Variants in ANKRD31 observed in about 807,000 individuals in gnomAD.
ANKRD31 encodes the protein ankyrin repeat domain-containing protein 31.
Under a neutral mutation model 186.0 loss-of-function variants are expected in ANKRD31, and 147 were observed. That is an observed-to-expected ratio of 0.79 (90% CI 0.69 to 0.91). The LOEUF is 0.91. Among genes scored for constraint, ANKRD31 ranks in the 40% least tolerant of loss-of-function variants. The pLI is 0.00. For synonymous variants in ANKRD31, 673 were observed against 736.4 expected, an observed-to-expected ratio of 0.91 and a Z score of 1.39; for missense variants, 1,986 against 2,148.8, an observed-to-expected ratio of 0.92 and a Z score of 1.50.
At chr5:75,075,410 G>C (rs1744553525) in intron 25 of ANKRD31, among the ~76,000 whole-genome samples, 1 of 152,002 alleles carries the variant, frequency 6.6e-6, no homozygotes, top group Non-Finnish European at 1.5e-5. Context: ...TTGCACAATT[G>C]CCTAGCACTT....
chr5:75,195,486 A>G (rs910951710), intron 7 of ANKRD31, 145 bp downstream of exon 7: 1 of 665,406 alleles, frequency 1.5e-6, no homozygotes, highest in Non-Finnish European at 2.4e-6. Context: ...TTTTAACACA[A>G]TGAAAACTTG....
intron 3 of ANKRD31, among the ~76,000 whole-genome samples, chr5:75,211,301 T>C (rs1218176145): frequency 6.6e-6 from 1 of 152,234 alleles, no homozygotes; most frequent in South Asian, 2.1e-4. Flanking sequence ...TTTATCTATG[T>C]TGTGGCATGT....
At chr5:75,131,278 C>T (rs1056454333) in intron 17 of ANKRD31, among the ~76,000 whole-genome samples, 33 of 152,152 alleles carry the variant, frequency 2.2e-4, no homozygotes, top group African/African-American at 6.5e-4. Context: ...GAGTGGATGC[C>T]GAGGCCGAGG....
intron 15 of ANKRD31, among the ~76,000 whole-genome samples, chr5:75,140,009 G>A (rs185742630): frequency 4.6e-4 from 70 of 152,026 alleles, no homozygotes; most frequent in African/African-American, 1.5e-3. Context: ...GGCCAGGCAC[G>A]GTGGCTGATG....
chr5:75,098,983 G>A (rs1228181877), intron 22 of ANKRD31, among the ~76,000 whole-genome samples: 1 of 152,212 alleles, frequency 6.6e-6, no homozygotes, highest in Non-Finnish European at 1.5e-5. Context: ...TAGGAGTGGT[G>A]AGAGAGGGCA....
chr5:75,222,320 T>C lies in ANKRD31; in HGVS notation c.217A>G (p.Arg73Gly). 3.3e-6 allele frequency: 5 copies of C among 1,536,902 alleles called. No homozygotes were observed. Among genetic ancestry groups the C allele is most frequent in the South Asian group, 2.4e-5 (2 of 83,998 alleles). ...SPEIQLGFKL[R>G]EDLQEQMNKN... ...TTCATTTGCTCTTGCAGATCCTCTC[T>C]GAGCTTAAATCCAAGTTGAATCTCA... The change falls in exon 3 of 26, where the codon AGA becomes GGA. Residue 73 changes from arginine to glycine, a missense_variant. Physicochemically the swap from Arg to Gly is moderately radical, Grantham distance 125. Coordinates refer to ENST00000506364, the MANE Select transcript of ANKRD31 (RefSeq NM_001372053.1).
intron 22 of ANKRD31, among the ~76,000 whole-genome samples, chr5:75,093,503 A>C (rs566671031): frequency 2.4e-4 from 36 of 152,216 alleles, no homozygotes; most frequent in South Asian, 4.1e-4. Flanking sequence ...ACAACAACAA[A>C]AAAAACTTAC....
chr5:75,200,297 C>CT (rs373390533), intron 5 of ANKRD31, among the ~76,000 whole-genome samples: 56,525 of 143,972 alleles, frequency 0.39, 11,271 homozygotes, highest in South Asian at 0.52. Flanking sequence ...TTCTTTCTTT[C>CT]TTTTTTTTTT....
chr5:75,144,562 C>A (rs1451973130), intron 14 of ANKRD31, among the ~76,000 whole-genome samples: 1 of 152,058 alleles, frequency 6.6e-6, no homozygotes, highest in Non-Finnish European at 1.5e-5. Flanking sequence ...GAAACTGGAA[C>A]CCTTCCTTAC....
intron 10 of ANKRD31, among the ~76,000 whole-genome samples, chr5:75,172,850 C>G (rs1753453185): frequency 6.6e-6 from 1 of 152,028 alleles, no homozygotes; most frequent in Non-Finnish European, 1.5e-5. Flanking sequence ...CTATTCCAAT[C>G]AACAGAAAAA....
intron 3 of ANKRD31, among the ~76,000 whole-genome samples, chr5:75,219,411 A>C (rs575746509): frequency 9.2e-5 from 14 of 152,204 alleles, no homozygotes; most frequent in African/African-American, 2.9e-4. Context: ...AACACCAAAA[A>C]CAAACAAACA....
At chr5:75,109,231 G>GA (rs1488867681) in intron 20 of ANKRD31, among the ~76,000 whole-genome samples, 1 of 152,124 alleles carries the variant, frequency 6.6e-6, no homozygotes. Context: ...AATACTTAGG[G>GA]AAAAATATAC....
At chr5:75,104,087 A>G in intron 22 of ANKRD31, 141 bp downstream of exon 22, 1 of 622,192 alleles carries the variant, frequency 1.6e-6, no homozygotes, top group Non-Finnish European at 2.6e-6. Context: ...CTAAGAATAC[A>G]ATGGTTGTGT....
intron 11 of ANKRD31, among the ~76,000 whole-genome samples, chr5:75,167,310 C>T (rs907616900): frequency 7.2e-5 from 11 of 152,156 alleles, no homozygotes; most frequent in African/African-American, 2.7e-4. Context: ...AAGAAGCTCA[C>T]ACTCCCCAGG....
At chr5:75,205,207 T>C (rs1041650598) in intron 5 of ANKRD31, among the ~76,000 whole-genome samples, 1 of 152,214 alleles carries the variant, frequency 6.6e-6, no homozygotes, top group East Asian at 1.9e-4. Flanking sequence ...CTTTTTGTAT[T>C]GAGACAATCT....
At position 75,195,828 on chromosome 5, in the gene ANKRD31, T is replaced by C. The variant is rs1208978321; in HGVS notation, c.820A>G (p.Arg274Gly). Reference sequence around the variant, plus strand: ...TCTTTTGCATCTTCTAGTAAATCTCTATGACATGCCGACCAGGAATTCAAA... The same window carrying C: ...TCTTTTGCATCTTCTAGTAAATCTCCATGACATGCCGACCAGGAATTCAAA... ...IPLNSWSACH[R>G]DLLEDAKDDA... Residue 274 changes from arginine (R) to glycine (G), a missense_variant, in exon 7 of 26, where the codon AGA becomes GGA. Transcript: ENST00000506364. The C allele has an allele frequency of 1.3e-6, 2 of 1,537,320 alleles. No homozygotes were observed. Among genetic ancestry groups the C allele is most frequent in the South Asian group, 2.4e-5 (2 of 84,040 alleles).
At chr5:75,152,673 C>T (rs1751919991) in intron 12 of ANKRD31, among the ~76,000 whole-genome samples, 1 of 151,884 alleles carries the variant, frequency 6.6e-6, no homozygotes, top group African/African-American at 2.4e-5. Flanking sequence ...CTACTACGTA[C>T]AAGTCACTTT....
intron 15 of ANKRD31, among the ~76,000 whole-genome samples, chr5:75,143,496 T>A (rs779626445): frequency 6.6e-6 from 1 of 152,112 alleles, no homozygotes; most frequent in African/African-American, 2.4e-5. Flanking sequence ...AGTATGTAAA[T>A]CAACATTCAG....
At chr5:75,093,588 C>T (rs1746104216) in intron 22 of ANKRD31, among the ~76,000 whole-genome samples, 1 of 151,962 alleles carries the variant, frequency 6.6e-6, no homozygotes, top group Non-Finnish European at 1.5e-5. Context: ...CAGAGATCCA[C>T]AGACACATAG....
Sources: allele counts gnomAD v4.1 joint callset (sites outside exome capture counted in the v4.1 genomes callset), GRCh38; gene constraint gnomAD v4.1.1; transcripts MANE v1.5; gene names NCBI Gene and HGNC (gene_info 2026-07-23, HGNC 2026-07-21).